Variants in SYCE1 observed in about 807,000 individuals in gnomAD.
The protein encoded by SYCE1 is cancer/testis antigen 76.
A neutral mutation model predicts 55.1 loss-of-function variants in SYCE1; 37 were observed. The observed-to-expected ratio is 0.67, with a 90% CI of 0.52 to 0.88. SYCE1 has a LOEUF of 0.88. Among genes scored for constraint, SYCE1 ranks in the 40% least tolerant of loss-of-function variants. The pLI, the probability that SYCE1 is intolerant of heterozygous loss-of-function variation, is 0.00. For missense variants in SYCE1, 399 were observed against 416.4 expected (o/e 0.96, Z 0.36); for synonymous variants, 163 against 159.4 (o/e 1.02, Z -0.17).
chr10:133,566,628 TTGGGGGC>T, upstream of SYCE1, among the ~76,000 whole-genome samples: 1 of 130,694 alleles, frequency 7.7e-6, no homozygotes, highest in African/African-American at 2.6e-5. Context: ...GGGTTAGGGT[TTGGGGGC>T]TAGGGGATTA....
chr10:133,556,975 C>G, intron 7 of SYCE1, 92 bp downstream of exon 7: 1 of 1,491,988 alleles, frequency 6.7e-7, no homozygotes, highest in Non-Finnish European at 9.3e-7. Context: ...ATCTCCATGG[C>G]TCAGTGTAGC....
chr10:133,554,816 C>T (rs1851611076), downstream of SYCE1: 4 of 1,457,658 alleles, frequency 2.7e-6, no homozygotes, highest in African/African-American at 4.3e-5. Flanking sequence ...AAGAAGCTGG[C>T]AGGTACCAGA....
upstream of SYCE1, chr10:133,567,834 C>T (rs1851983948): frequency 5.2e-6 from 2 of 388,054 alleles, no homozygotes; most frequent in Admixed American, 3.1e-5. Flanking sequence ...GGGACCCTAA[C>T]ATCCTGGAGC....
intron 3 of SYCE1, 121 bp downstream of exon 3, chr10:133,559,180 T>C (rs1209150025): frequency 1.8e-6 from 2 of 1,121,654 alleles, no homozygotes; most frequent in Admixed American, 3.6e-5. Flanking sequence ...TTTAAGGCTC[T>C]GCTGTTGCTG....
intron 1 of SYCE1, chr10:133,560,598 A>C (rs1225955581): frequency 6.5e-6 from 1 of 153,006 alleles, no homozygotes; most frequent in African/African-American, 2.4e-5. Flanking sequence ...ATATAAATAC[A>C]AACAAGCTTT....
chr10:133,564,534 C>T (rs1851882522), intron 1 of SYCE1: 2 of 575,436 alleles, frequency 3.5e-6, no homozygotes, highest in Admixed American at 6.4e-5. Flanking sequence ...TTCGCTGGGG[C>T]TTTCACTGTG....
intron 2 of SYCE1, 38 bp from the exon 3 acceptor site, chr10:133,559,398 C>A (rs1851767080): frequency 6.2e-7 from 1 of 1,608,090 alleles, no homozygotes; most frequent in Admixed American, 1.7e-5. Context: ...ACAGGGCAGG[C>A]AGAGTTGGGG....
upstream of SYCE1, among the ~76,000 whole-genome samples, chr10:133,565,940 G>C (rs1409543158): frequency 6.6e-6 from 1 of 152,248 alleles, no homozygotes; most frequent in Non-Finnish European, 1.5e-5. Context: ...TGTGGCCCTG[G>C]CAGCCTCATG....
In SYCE1 at chr10:133,558,149, C is replaced by T. The variant is rs1851733864; in HGVS notation, c.319+18G>A. 2 of 1,614,110 alleles carry T rather than the reference C, an allele frequency of 1.2e-6. No homozygotes were observed. Among genetic ancestry groups the T allele is most frequent in the Non-Finnish European group, 8.5e-7 (1 of 1,179,990 alleles). On this transcript the variant is annotated intron_variant, in intron 5 of 12. Transcript: ENST00000343131. Reference sequence around the variant, plus strand: ...GTTGGCAAAGGCACAAGCCTGGAGACAGGGGAGCGGCAAATACCTTGTTTT... The same window carrying T: ...GTTGGCAAAGGCACAAGCCTGGAGATAGGGGAGCGGCAAATACCTTGTTTT...
upstream of SYCE1, among the ~76,000 whole-genome samples, chr10:133,566,818 G>C (rs577963851): frequency 6.9e-6 from 1 of 145,852 alleles, no homozygotes; most frequent in South Asian, 2.2e-4. Flanking sequence ...AGGAGTTACA[G>C]TTGGGTTAAG....
upstream of SYCE1, chr10:133,567,873 A>C: frequency 6.4e-6 from 3 of 469,098 alleles, no homozygotes; most frequent in Admixed American, 4.9e-5. Context: ...GGTCTCCTCT[A>C]GGTGGGAGGT....
chr10:133,554,970 C>A lies in SYCE1; in HGVS notation c.*22G>T. The A allele has an allele frequency of 6.6e-7, 1 of 1,521,936 alleles. No homozygotes were observed. The highest frequency in any genetic ancestry group is 8.8e-7 in the Non-Finnish European group (1 of 1,134,898). The allele number at this position is 1,521,936 out of a possible 1,614,324, so 94.3% of individuals were successfully genotyped here. A position where few individuals can be genotyped will look rare whatever the true frequency, so the allele number is the denominator to read the frequency against. On this transcript the variant is annotated 3_prime_UTR_variant, in exon 13 of 13. Transcript: ENST00000343131. ...GGGATCTTGGGCCTGACCCCTACTC[C>A]TCACCAGTAGACTTAGCTGTATCAA...
upstream of SYCE1, among the ~76,000 whole-genome samples, chr10:133,566,132 C>T (rs1166426878): frequency 6.6e-6 from 1 of 152,232 alleles, no homozygotes; most frequent in African/African-American, 2.4e-5. Context: ...AGCCCACGGT[C>T]CCTTCTGCAC....
In SYCE1 at chr10:133,557,829, G is replaced by C. The variant is rs200172059; in HGVS notation, c.374+35C>G. The C allele has an allele frequency of 1.6e-3, 2,563 of 1,610,900 alleles. 6 individuals are homozygous for C. Among genetic ancestry groups the C allele is most frequent in the Non-Finnish European group, 1.9e-3 (2,278 of 1,177,106 alleles). On this transcript the variant is annotated intron_variant, in intron 6 of 12. Coordinates refer to ENST00000343131, the MANE Select transcript of SYCE1 (RefSeq NM_001143764.3). ...CTTTCTGCTCTACCAGAATAAAGAG[G>C]TAGTGCAGAGTTAGGCTCAGCTGGA...
chr10:133,562,150 T>G (rs1292787350), intron 1 of SYCE1, among the ~76,000 whole-genome samples: 1 of 152,176 alleles, frequency 6.6e-6, no homozygotes, highest in African/African-American at 2.4e-5. Flanking sequence ...ACTTGGTACT[T>G]CTGAAATAGC....
At chr10:133,562,007 C>T (rs1411628335) in intron 1 of SYCE1, among the ~76,000 whole-genome samples, 2 of 152,030 alleles carry the variant, frequency 1.3e-5, no homozygotes, top group African/African-American at 4.8e-5. Flanking sequence ...ACAAGGCCAC[C>T]TTTTTGCTAG....
At chr10:133,555,958 C>A (rs771571869) in intron 9 of SYCE1, 23 bp downstream of exon 9, 30 of 1,613,892 alleles carry the variant, frequency 1.9e-5, no homozygotes, top group Admixed American at 6.7e-5. Context: ...CAGATATGGG[C>A]CATCCACCTT....
downstream of SYCE1, chr10:133,554,379 G>A (rs1416997402): frequency 3.8e-6 from 6 of 1,560,272 alleles, no homozygotes; most frequent in African/African-American, 5.4e-5. Context: ...TTCTGACTCA[G>A]GAGATGCAGA....
chr10:133,558,900 G>T lies in SYCE1; in HGVS notation c.248C>A (p.Ala83Asp). 1 of 1,613,304 alleles carries T rather than the reference G, an allele frequency of 6.2e-7. No individual in the cohort carries two copies. The highest frequency in any genetic ancestry group is 1.7e-5 in the Admixed American group (1 of 59,762). Residue 83 changes from alanine to aspartate, a missense_variant, in exon 4 of 13, where the codon GCC (alanine) becomes GAC (aspartate). By Grantham distance (126) the Ala-to-Asp change is moderately radical. Transcript: ENST00000343131. ...DLGEARTICE[A>D]LQKELDSLHG... ...ACGCGAGTCCAGTTCCTTCTGCAGG[G>T]CCTCACAGATGGTCCGGGCCTCTCC...
Sources: gnomAD v4.1 joint callset for allele counts (sites outside exome capture counted in the v4.1 genomes callset) on GRCh38, gnomAD v4.1.1 for gene constraint, MANE v1.5 for transcripts, NCBI Gene and HGNC (gene_info 2026-07-23, HGNC 2026-07-21) for gene names.